The following CHRM5 variants were observed in gnomAD, a reference collection of about 807,000 sequenced individuals.
The protein encoded by CHRM5 is muscarinic acetylcholine receptor M5.
Under a neutral mutation model 39.0 loss-of-function variants are expected in CHRM5, and 18 were observed. That is an observed-to-expected ratio of 0.46 (90% CI 0.32 to 0.68). CHRM5 has a LOEUF of 0.68. CHRM5 is among the 30% of genes least tolerant of loss of function. CHRM5 has a pLI of 0.04. For missense variants in CHRM5, 515 were observed against 651.1 expected (o/e 0.79, Z 2.28); for synonymous variants, 241 against 246.3 (o/e 0.98, Z 0.20).
chr15:34,024,238 A>C (rs966715273), intron 1 of CHRM5, among the ~76,000 whole-genome samples: 1 of 152,208 alleles, frequency 6.6e-6, no homozygotes, highest in African/African-American at 2.4e-5. Context: ...ACAACAAAAA[A>C]GGAATACTTT....
In CHRM5 at chr15:33,973,371, T is replaced by C. The variant is rs886092631; in HGVS notation, c.-408+4221T>C. Among the ~76,000 whole-genome samples, 11 of 152,226 alleles carry C rather than the reference T, an allele frequency of 7.2e-5. No individual in the cohort carries two copies. The South Asian group carries it at 1.4e-3, about 20-fold the overall frequency. On this transcript the variant is annotated intron_variant, in intron 1 of 2. Transcript: ENST00000383263. ...AATCTATCAGGCTCAGTATATAACA[T>C]AGTACAACTCTTAATATTTCATCAA...
At chr15:34,035,248 A>G (rs1046014274) in intron 1 of CHRM5, among the ~76,000 whole-genome samples, 1 of 152,204 alleles carries the variant, frequency 6.6e-6, no homozygotes, top group African/African-American at 2.4e-5. Flanking sequence ...TTGAATATAA[A>G]TCATTTTAAA....
chr15:33,987,831 T>C (rs1178870396), intron 1 of CHRM5, among the ~76,000 whole-genome samples: 1 of 152,040 alleles, frequency 6.6e-6, no homozygotes, highest in Non-Finnish European at 1.5e-5. Context: ...CCAAGATGAG[T>C]GGGATCACAC....
chr15:33,993,628 C>T (rs2140580386), intron 1 of CHRM5, among the ~76,000 whole-genome samples: 1 of 152,238 alleles, frequency 6.6e-6, no homozygotes, highest in Admixed American at 6.5e-5. Flanking sequence ...ATTGATAATA[C>T]ATATGAGCTT....
At chr15:34,040,605 C>CTAA (rs2140803176) in intron 1 of CHRM5, among the ~76,000 whole-genome samples, 1 of 152,296 alleles carries the variant, frequency 6.6e-6, no homozygotes, top group Admixed American at 6.5e-5. Context: ...GATCAGGAAT[C>CTAA]TAAAACAGAT....
intron 1 of CHRM5, among the ~76,000 whole-genome samples, chr15:33,989,384 C>T (rs1432478839): frequency 1.3e-5 from 2 of 151,506 alleles, no homozygotes; most frequent in African/African-American, 4.9e-5. Flanking sequence ...TCCACATGAT[C>T]GTCACAACTA....
chr15:33,996,789 C>T (rs1023936353), intron 1 of CHRM5, among the ~76,000 whole-genome samples: 11 of 152,158 alleles, frequency 7.2e-5, no homozygotes, highest in Non-Finnish European at 1.2e-4. Context: ...AAAACCAGAG[C>T]GCCTCTTGTC....
At chr15:34,021,308 G>A (rs1265282714) in intron 1 of CHRM5, among the ~76,000 whole-genome samples, 3 of 150,172 alleles carry the variant, frequency 2.0e-5, no homozygotes, top group South Asian at 2.1e-4. Context: ...TTTTTGAGAC[G>A]GAGTTTCACT....
rs1035895081 is a variant in CHRM5, at chr15:34,038,876, C to CCGGCCA, written c.-407-7652_-407-7647dup. 3.9e-3 allele frequency: 4,492 copies of CCGGCCA among 1,145,418 alleles called. 16 individuals carry two copies. The highest frequency in any genetic ancestry group is 6.7e-3 in the Middle Eastern group (18 of 2,706). The allele number at this position is 1,145,418 out of a possible 1,614,324, so 71.0% of individuals were successfully genotyped here. ...GGCCTCCGCGAGCGCCGCGGAAGCCCCGGCCACGGCCACGGCCCCGGCGTC... is the reference window on the plus strand; with the variant it reads ...GGCCTCCGCGAGCGCCGCGGAAGCCCCGGCCACGGCCACGGCCACGGCCCCGGCGTC... On this transcript the variant is annotated intron_variant, in intron 1 of 2. Coordinates refer to ENST00000383263, the MANE Select transcript of CHRM5 (RefSeq NM_012125.4).
chr15:34,010,543 G>T (rs945689070), intron 1 of CHRM5, among the ~76,000 whole-genome samples: 7 of 151,376 alleles, frequency 4.6e-5, no homozygotes, highest in African/African-American at 1.7e-4. Context: ...TATAGAAAAG[G>T]CTTTCCTGTT....
chr15:33,986,653 GGTTTTT>G (rs1457034747), intron 1 of CHRM5, among the ~76,000 whole-genome samples: 3 of 151,522 alleles, frequency 2.0e-5, no homozygotes, highest in African/African-American at 4.8e-5. Context: ...CTCTATATCA[GGTTTTT>G]GTTTTTGTTT....
intron 1 of CHRM5, among the ~76,000 whole-genome samples, chr15:34,035,076 GA>G (rs1273038180): frequency 1.3e-5 from 2 of 152,150 alleles, no homozygotes; most frequent in Non-Finnish European, 2.9e-5. Context: ...AACTTGAATA[GA>G]AAATTAGAGA....
intron 1 of CHRM5, among the ~76,000 whole-genome samples, chr15:34,004,003 G>A (rs760105639): frequency 6.6e-6 from 1 of 152,154 alleles, no homozygotes; most frequent in Non-Finnish European, 1.5e-5. Context: ...ATAGCCTTCT[G>A]TGAGTGCCCT....
chr15:33,983,174 A>ATGTGTGTGTG (rs1239346672), intron 1 of CHRM5, among the ~76,000 whole-genome samples: 6 of 99,622 alleles, frequency 6.0e-5, no homozygotes, highest in African/African-American at 3.1e-4. Flanking sequence ...GTGTGTGTAT[A>ATGTGTGTGTG]TATACACACG....
At chr15:33,998,842 T>C (rs1248733236) in intron 1 of CHRM5, among the ~76,000 whole-genome samples, 5 of 152,340 alleles carry the variant, frequency 3.3e-5, no homozygotes, top group South Asian at 2.1e-4. Context: ...CTCTAGACAC[T>C]GTGGTGCCTG....
At position 34,064,285 on chromosome 15, in the gene CHRM5, T is replaced by C; in HGVS notation, c.1568T>C (p.Leu523Ser). ...AAAAAGAAAAAAGTGGAAGAGAAGT[T>C]GTACTGGCAGGGGAACAGCAAGCTA... ...RWKKKKVEEKLYWQGNSKLP is the reference protein window; with the variant it reads ...RWKKKKVEEKSYWQGNSKLP Residue 523 changes from leucine to serine, a missense_variant, in exon 3 of 3, where the codon TTG (leucine) becomes TCG (serine). By Grantham distance (145) the Leu-to-Ser change is moderately radical. Coordinates refer to ENST00000383263, the MANE Select transcript of CHRM5 (RefSeq NM_012125.4). The C allele has an allele frequency of 6.2e-7, 1 of 1,613,892 alleles. No individual in the cohort carries two copies. Among genetic ancestry groups the C allele is most frequent in the Non-Finnish European group, 8.5e-7 (1 of 1,179,910 alleles).
chr15:33,990,195 C>T lies in CHRM5; in HGVS notation c.-408+21045C>T, dbSNP rs570173884. 5.2e-4 allele frequency among the ~76,000 whole-genome samples: 79 copies of T among 151,128 alleles called. 1 individual carries two copies. The highest frequency in any genetic ancestry group is 1.8e-3 in the African/African-American group (74 of 41,090). The stretch of plus-strand genomic sequence containing the variant: ...ATCCAGACTGGGCAACAGGGTGAGA[C>T]TCCGTCTCAAAAAAAAACAAAACAA... On this transcript the variant is annotated intron_variant, in intron 1 of 2. Coordinates refer to ENST00000383263, the MANE Select transcript of CHRM5 (RefSeq NM_012125.4).
intron 1 of CHRM5, among the ~76,000 whole-genome samples, chr15:34,004,733 G>C (rs1019088293): frequency 6.6e-5 from 10 of 152,102 alleles, no homozygotes; most frequent in African/African-American, 2.4e-4. Context: ...TACTTAATTG[G>C]TAATTGCTGA....
In CHRM5 at chr15:34,063,822, C is replaced by G. The variant is rs1281393384; in HGVS notation, c.1105C>G (p.His369Asp). 1.2e-6 allele frequency: 2 copies of G among 1,614,050 alleles called. No individual in the cohort carries two copies. The highest frequency in any genetic ancestry group is 1.7e-5 in the Admixed American group (1 of 59,988). The change falls in exon 3 of 3, where the codon CAT becomes GAT. Residue 369 changes from histidine to aspartate, a missense_variant. Coordinates refer to ENST00000383263, the MANE Select transcript of CHRM5 (RefSeq NM_012125.4). This position sits in a 1 kb window ranked among gnomAD's most constrained non-coding sequence, Gnocchi z 4.1. ...CTACCTTCTGTCTCCAGCAGCTGCTCATAGACCCAAGAGTCAGAAATGTGT... is the reference window on the plus strand; with the variant it reads ...CTACCTTCTGTCTCCAGCAGCTGCTGATAGACCCAAGAGTCAGAAATGTGT... The part of the protein sequence containing the change: ...PNYLLSPAAA[H>D]RPKSQKCVAY...
Sources: allele counts gnomAD v4.1 joint callset (sites outside exome capture counted in the v4.1 genomes callset), GRCh38; gene constraint gnomAD v4.1.1; non-coding constraint Gnocchi (gnomAD v3.1); transcripts MANE v1.5; gene names NCBI Gene and HGNC (gene_info 2026-07-23, HGNC 2026-07-21).